P3H2: variants seen among roughly 807,000 people sequenced by gnomAD.
P3H2 encodes prolyl 3-hydroxylase 2, also known as leprecan-like 1.
In P3H2, 80 loss-of-function variants were observed where a neutral mutation model predicts 87.0. The ratio of observed to expected loss-of-function variants is 0.92; its 90% CI spans 0.77 to 1.11. The LOEUF is 1.11. Among genes scored for constraint, P3H2 ranks in the 50% least tolerant of loss-of-function variants. The pLI, the probability that P3H2 is intolerant of heterozygous loss-of-function variation, is 0.00. For synonymous variants in P3H2, 367 were observed against 359.3 expected (o/e 1.02, Z -0.24); for missense variants, 1,001 against 923.9 (o/e 1.08, Z -1.08).
At chr3:190,098,660 A>G (rs1316606801) in intron 1 of P3H2, among the ~76,000 whole-genome samples, 4 of 152,208 alleles carry the variant, frequency 2.6e-5, no homozygotes, top group African/African-American at 9.6e-5. Context: ...ACTTGCCCCA[A>G]ATCAAAAAAT....
chr3:190,070,318 C>T (rs898360580), intron 1 of P3H2, among the ~76,000 whole-genome samples: 2 of 152,144 alleles, frequency 1.3e-5, no homozygotes, highest in African/African-American at 4.8e-5. Context: ...GGATTATCCT[C>T]ATCTGATCTA....
chr3:190,014,229 T>A (rs1325416891), intron 1 of P3H2, among the ~76,000 whole-genome samples: 1 of 152,224 alleles, frequency 6.6e-6, no homozygotes, highest in East Asian at 1.9e-4. Context: ...AATAACTATT[T>A]CAAGTCTTTG....
At chr3:190,086,515 T>C (rs1404971118) in intron 1 of P3H2, among the ~76,000 whole-genome samples, 1 of 152,208 alleles carries the variant, frequency 6.6e-6, no homozygotes, top group African/African-American at 2.4e-5. Context: ...CTCCTGCTTG[T>C]GCAGAAGAAG....
At chr3:190,061,708 G>A (rs1288986064) in intron 1 of P3H2, among the ~76,000 whole-genome samples, 2 of 152,146 alleles carry the variant, frequency 1.3e-5, no homozygotes, top group East Asian at 3.9e-4. Flanking sequence ...AGGCAAACTG[G>A]TGCCAGATAC....
At chr3:189,958,854 C>G (rs1004701634) in intron 14 of P3H2, among the ~76,000 whole-genome samples, 1 of 151,942 alleles carries the variant, frequency 6.6e-6, no homozygotes, top group African/African-American at 2.4e-5. Context: ...CAGGCGCTCA[C>G]CACCATGCCC....
chr3:190,084,570 G>A (rs1300721741), intron 1 of P3H2, among the ~76,000 whole-genome samples: 1 of 152,098 alleles, frequency 6.6e-6, no homozygotes, highest in Non-Finnish European at 1.5e-5. Flanking sequence ...AATAATCACA[G>A]GTGCTGAATC....
At chr3:190,023,755 C>T (rs769317303) in intron 1 of P3H2, among the ~76,000 whole-genome samples, 12 of 152,190 alleles carry the variant, frequency 7.9e-5, no homozygotes, top group Non-Finnish European at 1.3e-4. Context: ...TGCAAGTCTA[C>T]ACTTGGAAGC....
chr3:190,102,866 G>A (rs1198035695), intron 1 of P3H2, among the ~76,000 whole-genome samples: 6 of 152,104 alleles, frequency 3.9e-5, no homozygotes, highest in Non-Finnish European at 7.4e-5. Context: ...TTTCGTTTTT[G>A]TTTTAAATGC....
At chr3:190,041,274 TAAAA>T (rs67754532) in intron 1 of P3H2, among the ~76,000 whole-genome samples, 4,148 of 117,758 alleles carry the variant, frequency 0.035, 204 homozygotes, top group African/African-American at 0.11. Context: ...TAACCTGTCT[TAAAA>T]AAAAAAAAAA....
intron 1 of P3H2, among the ~76,000 whole-genome samples, chr3:190,010,798 C>A (rs764765134): frequency 2.6e-5 from 4 of 152,098 alleles, no homozygotes; most frequent in Non-Finnish European, 4.4e-5. Flanking sequence ...TTGAGAAATT[C>A]AAAAATAGTA....
chr3:190,092,639 A>G (rs1422886649), intron 1 of P3H2, among the ~76,000 whole-genome samples: 4 of 152,210 alleles, frequency 2.6e-5, no homozygotes. Flanking sequence ...TTCTTTCGGG[A>G]AGCTGGGATC....
At chr3:190,085,213 G>C (rs959529342) in intron 1 of P3H2, among the ~76,000 whole-genome samples, 13 of 152,138 alleles carry the variant, frequency 8.5e-5, no homozygotes, top group African/African-American at 2.7e-4. Context: ...GAAGGAGCTA[G>C]AACCCAATGT....
chr3:190,031,375 T>G (rs533164760), intron 1 of P3H2, among the ~76,000 whole-genome samples: 1 of 55,758 alleles, frequency 1.8e-5, no homozygotes, highest in South Asian at 6.6e-4. Flanking sequence ...TGAGGTCTCA[T>G]GCCTGTAATC....
At chr3:189,964,717 G>A (rs1379614994) in intron 13 of P3H2, among the ~76,000 whole-genome samples, 2 of 152,180 alleles carry the variant, frequency 1.3e-5, no homozygotes, top group Non-Finnish European at 2.9e-5. Flanking sequence ...ATCTCTAGTG[G>A]TGAGAACACG....
intron 1 of P3H2, among the ~76,000 whole-genome samples, chr3:190,085,633 T>C (rs1031393010): frequency 2.0e-5 from 3 of 152,182 alleles, no homozygotes; most frequent in African/African-American, 7.2e-5. Flanking sequence ...CATTGCTCAA[T>C]AACAACTACT....
At chr3:190,109,814 C>T (rs1202755266) in intron 1 of P3H2, among the ~76,000 whole-genome samples, 3 of 148,360 alleles carry the variant, frequency 2.0e-5, no homozygotes, top group Non-Finnish European at 3.0e-5. Flanking sequence ...ATAAACTGTA[C>T]TTATCTAACC....
At chr3:190,007,508 C>G (rs571514859) in intron 1 of P3H2, among the ~76,000 whole-genome samples, 21 of 152,188 alleles carry the variant, frequency 1.4e-4, no homozygotes, top group Middle Eastern at 3.4e-3. Flanking sequence ...GACAAGAGAT[C>G]TGATCAACCA....
intron 5 of P3H2, 140 bp downstream of exon 5, chr3:189,987,387 G>C: frequency 1.1e-6 from 1 of 874,482 alleles, no homozygotes; most frequent in Non-Finnish European, 1.7e-6. Context: ...GCTGAGGCAG[G>C]AGAATCGCTT....
At chr3:190,001,110 G>A (rs1043901891) in intron 1 of P3H2, among the ~76,000 whole-genome samples, 2 of 152,138 alleles carry the variant, frequency 1.3e-5, no homozygotes, top group African/African-American at 2.4e-5. Context: ...AGGCAAACAC[G>A]TAACACAAAA....
Sources: allele counts gnomAD v4.1 joint callset (sites outside exome capture counted in the v4.1 genomes callset), GRCh38; gene constraint gnomAD v4.1.1; transcripts MANE v1.5; gene names NCBI Gene and HGNC (gene_info 2026-07-23, HGNC 2026-07-21).